BCAR1: variants seen among roughly 807,000 people sequenced by gnomAD.
BCAR1 encodes breast cancer anti-estrogen resistance protein 1.
Under a neutral mutation model 67.6 loss-of-function variants are expected in BCAR1, and 30 were observed. The ratio of observed to expected loss-of-function variants is 0.44; its 90% CI spans 0.33 to 0.60. BCAR1 has a LOEUF of 0.60. Among genes scored for constraint, BCAR1 ranks in the 20% least tolerant of loss-of-function variants. The pLI, the probability that BCAR1 is intolerant of heterozygous loss-of-function variation, is 0.02. For synonymous variants in BCAR1, 626 were observed against 556.7 expected (o/e 1.12, Z -1.75); for missense variants, 1,313 against 1,222.3 (o/e 1.07, Z -1.11).
chr16:75,259,079 T>C (rs2077841018), intron 1 of BCAR1, among the ~76,000 whole-genome samples: 1 of 152,210 alleles, frequency 6.6e-6, no homozygotes, highest in Non-Finnish European at 1.5e-5. Flanking sequence ...GAAACACAGA[T>C]GACTCTACAG....
At chr16:75,260,888 C>A (rs929166696) in intron 1 of BCAR1, among the ~76,000 whole-genome samples, 3 of 152,206 alleles carry the variant, frequency 2.0e-5, no homozygotes, top group Non-Finnish European at 2.9e-5. Context: ...TGGGATAATT[C>A]TTCCTCCTTC....
chr16:75,236,106 G>A (rs59720502), intron 4 of BCAR1, 120 bp from the exon 5 acceptor site: 38,383 of 1,290,422 alleles, frequency 0.03, 859 homozygotes, highest in Middle Eastern at 0.1. Context: ...ACACACAGAG[G>A]CACGCGCACA....
intron 6 of BCAR1, among the ~76,000 whole-genome samples, chr16:75,232,808 G>A (rs1039568235): frequency 6.6e-6 from 1 of 152,196 alleles, no homozygotes; most frequent in Non-Finnish European, 1.5e-5. Context: ...CTCTCATGAG[G>A]CGGCTGCAGC....
intron 2 of BCAR1, 26 bp from the exon 3 acceptor site, chr16:75,237,370 G>C (rs1002221892): frequency 3.5e-6 from 5 of 1,444,676 alleles, no homozygotes; most frequent in Non-Finnish European, 4.5e-6. Flanking sequence ...CGACTTCACT[G>C]CTGCCCTCAA....
At chr16:75,267,766 G>C (rs1329736338) in intron 1 of BCAR1, 1 of 804,446 alleles carries the variant, frequency 1.2e-6, no homozygotes. Flanking sequence ...CACAGGGAAA[G>C]GAGAGCCCAA....
In BCAR1 at chr16:75,239,601, G is replaced by A. The variant is rs77183563; in HGVS notation, c.634-2257C>T. 5.3e-3 allele frequency among the ~76,000 whole-genome samples: 806 copies of A among 152,298 alleles called. 3 individuals are homozygous for A. Among genetic ancestry groups the A allele is most frequent in the African/African-American group, 0.019 (777 of 41,572 alleles). On this transcript the variant is annotated intron_variant, in intron 2 of 6. Transcript: ENST00000162330. ...CAAAATGGGTGTCGCCCCTGACCTG[G>A]GTTGGCTCCCGGCTCTGGCACCCCC...
chr16:75,267,934 G>A, exon 1 of BCAR1: 1 of 1,603,350 alleles, frequency 6.2e-7, no homozygotes, highest in Non-Finnish European at 8.5e-7. Flanking sequence ...GGGATCCTTG[G>A]GTGTGGGCCT....
chr16:75,246,304 C>T (rs571351358), intron 1 of BCAR1: 2 of 152,340 alleles, frequency 1.3e-5, no homozygotes, highest in East Asian at 1.9e-4. Context: ...TTCGCCTGGC[C>T]CCTGCTTTGG....
chr16:75,266,713 C>A (rs760018513), intron 1 of BCAR1: 32 of 1,410,672 alleles, frequency 2.3e-5, no homozygotes, highest in Non-Finnish European at 2.9e-5. Context: ...AGATCCCTCA[C>A]CCACTCAAAG....
intron 1 of BCAR1, chr16:75,248,359 T>A: frequency 7.8e-7 from 1 of 1,280,570 alleles, no homozygotes; most frequent in East Asian, 3.6e-5. Flanking sequence ...ATCACAAACT[T>A]GGGCCAAGTT....
chr16:75,254,039 G>A (rs919679266), upstream of BCAR1, among the ~76,000 whole-genome samples: 22 of 151,408 alleles, frequency 1.5e-4, no homozygotes, highest in Admixed American at 1.1e-3. Flanking sequence ...GACCTCAAGT[G>A]ATTCACCCAC....
chr16:75,230,121 G>A, intron 6 of BCAR1, 98 bp from the exon 7 acceptor site: 2 of 1,430,354 alleles, frequency 1.4e-6, no homozygotes, highest in Non-Finnish European at 9.3e-7. Flanking sequence ...CTCTAAAAGG[G>A]CCGCTACTCA....
At chr16:75,251,724 A>C (rs2077685503), upstream of BCAR1, 2 of 977,736 alleles carry the variant, frequency 2.0e-6, no homozygotes, top group East Asian at 1.1e-4. Context: ...CCATGCAAAT[A>C]AGCCGCCTGT....
Position 75,228,527 on chromosome 16 carries a change from T to A in BCAR1, c.*984A>T, listed in dbSNP as rs12924999. On this transcript the variant is annotated 3_prime_UTR_variant, in exon 7 of 7. Transcript: ENST00000162330. ...CCAAGCCCCTCCCTCCCAACTCAGA[T>A]GCCAGGTCCAGGTATAATTCCATGT... 6.6e-6 allele frequency: 1 copy of A among 152,340 alleles called. No individual in the cohort carries two copies. The highest frequency in any genetic ancestry group is 2.4e-5 in the African/African-American group (1 of 41,466). 9.4% of individuals were successfully genotyped at this position (152,340 alleles called of 1,614,324 possible).
intron 1 of BCAR1, among the ~76,000 whole-genome samples, chr16:75,262,774 TGCTGGGGCTG>T (rs113549361): frequency 6.6e-6 from 1 of 152,190 alleles, no homozygotes; most frequent in Non-Finnish European, 1.5e-5. Context: ...CATCTACCAC[TGCTGGGGCTG>T]GCTGGGGCTA....
In BCAR1 at chr16:75,229,273, C is replaced by G; in HGVS notation, c.*238G>C. 1.7e-6 allele frequency: 1 copy of G among 591,574 alleles called. No homozygotes were observed. The highest frequency in any genetic ancestry group is 3.0e-5 in the South Asian group (1 of 33,860). The allele number at this position is 591,574 out of a possible 1,614,324, so 36.6% of individuals were successfully genotyped here. A position where few individuals can be genotyped will look rare whatever the true frequency, so the allele number is the denominator to read the frequency against. On this transcript the variant is annotated 3_prime_UTR_variant, in exon 7 of 7. Coordinates refer to ENST00000162330, the MANE Select transcript of BCAR1 (RefSeq NM_014567.5). ...CCCGTCTGGTGACCCAACCCGGGCC[C>G]GTGGTGCATGCTGGGGAAGGCCACT...
chr16:75,266,745 C>T, intron 1 of BCAR1: 6 of 1,461,840 alleles, frequency 4.1e-6, no homozygotes, highest in Non-Finnish European at 5.5e-6. Flanking sequence ...GGTCCGACCC[C>T]TCTGTTCTGC....
chr16:75,232,537 C>T (rs933219964), intron 6 of BCAR1, among the ~76,000 whole-genome samples: 1 of 151,938 alleles, frequency 6.6e-6, no homozygotes, highest in African/African-American at 2.4e-5. Context: ...CTCAAGTGAT[C>T]CTCCTGCCTC....
At position 75,237,193 on chromosome 16, in the gene BCAR1, T is replaced by C. The variant is rs774734899; in HGVS notation, c.785A>G (p.Tyr262Cys). Reference sequence around the variant, plus strand: ...GCACCCCACACCTACCTCCTGGCCATACTGGCTGGGAAGCAGCCCCCGAAC... The same window carrying C: ...GCACCCCACACCTACCTCCTGGCCACACTGGCTGGGAAGCAGCCCCCGAAC... ...PPVRGLLPSQ[Y>C]GQEVYDTPPM... Residue 262 changes from tyrosine to cysteine, a missense_variant, in exon 3 of 7, where the codon TAT (tyrosine) becomes TGT (cysteine). Physicochemically the swap from Tyr to Cys is radical, Grantham distance 194. Coordinates refer to ENST00000162330, the MANE Select transcript of BCAR1 (RefSeq NM_014567.5). 2 of 1,573,120 alleles carry C rather than the reference T, an allele frequency of 1.3e-6. No homozygotes were observed. The highest frequency in any genetic ancestry group is 2.4e-5 in the East Asian group (1 of 42,406).
Sources: allele counts gnomAD v4.1 joint callset (sites outside exome capture counted in the v4.1 genomes callset), GRCh38; gene constraint gnomAD v4.1.1; transcripts MANE v1.5; gene names NCBI Gene and HGNC (gene_info 2026-07-23, HGNC 2026-07-21).